Variants in CCDC102B observed in about 807,000 individuals in gnomAD.
CCDC102B encodes coiled-coil domain-containing protein 102B.
CCDC102B carries 75 observed loss-of-function variants against 57.4 expected under a neutral mutation model. That is an observed-to-expected ratio of 1.31 (90% CI 1.08 to 1.58). The LOEUF is 1.58. CCDC102B is among the 40% of genes most tolerant of loss of function. The pLI is 0.00. For synonymous variants in CCDC102B, 206 were observed against 201.9 expected, an observed-to-expected ratio of 1.02 and a Z score of -0.17; for missense variants, 636 against 582.6, an observed-to-expected ratio of 1.09 and a Z score of -0.94.
chr18:68,811,513 G>T (rs936456286), intron 1 of CCDC102B, among the ~76,000 whole-genome samples: 1 of 152,126 alleles, frequency 6.6e-6, no homozygotes. Context: ...TATTCAGAAG[G>T]CTGAGGCAGG....
intron 6 of CCDC102B, among the ~76,000 whole-genome samples, chr18:68,944,808 A>G (rs2049486127): frequency 1.3e-5 from 2 of 152,070 alleles, no homozygotes; most frequent in Admixed American, 1.3e-4. Context: ...CATCTTAACA[A>G]CCATATATGA....
intron 7 of CCDC102B, among the ~76,000 whole-genome samples, chr18:69,015,147 G>T (rs1016612817): frequency 6.6e-6 from 1 of 152,172 alleles, no homozygotes; most frequent in African/African-American, 2.4e-5. Flanking sequence ...AAGAATTTAG[G>T]AATCGTAGTA....
intron 7 of CCDC102B, among the ~76,000 whole-genome samples, chr18:69,017,411 C>T (rs1401725737): frequency 2.6e-5 from 4 of 152,080 alleles, no homozygotes; most frequent in Non-Finnish European, 5.9e-5. Context: ...CAGGCGTGAA[C>T]CATCTTGCCA....
At chr18:68,855,084 A>C (rs34561110) in intron 4 of CCDC102B, among the ~76,000 whole-genome samples, 48,568 of 152,014 alleles carry the variant, frequency 0.32, 9,191 homozygotes, top group East Asian at 0.66. Context: ...AAGACACCCC[A>C]TTAGCAAAAG....
At chr18:69,022,515 C>T (rs1401955777) in intron 7 of CCDC102B, among the ~76,000 whole-genome samples, 2 of 151,952 alleles carry the variant, frequency 1.3e-5, no homozygotes, top group African/African-American at 2.4e-5. Context: ...TTTGCAACTA[C>T]TCAGCAAAGA....
intron 4 of CCDC102B, among the ~76,000 whole-genome samples, chr18:68,855,413 G>A (rs1012841540): frequency 9.2e-5 from 14 of 152,128 alleles, no homozygotes; most frequent in Admixed American, 6.6e-5. Flanking sequence ...CATAAATGCT[G>A]TAATCCTTCT....
intron 6 of CCDC102B, among the ~76,000 whole-genome samples, chr18:68,911,847 C>G (rs2040886677): frequency 6.6e-6 from 1 of 150,434 alleles, no homozygotes; most frequent in Admixed American, 6.6e-5. Flanking sequence ...CAGCAAACCC[C>G]CATGATATGA....
At chr18:68,768,883 G>A (rs2034548480) in intron 2 of CCDC102B, among the ~76,000 whole-genome samples, 1 of 152,058 alleles carries the variant, frequency 6.6e-6, no homozygotes, top group Non-Finnish European at 1.5e-5. Flanking sequence ...ATTATAACAA[G>A]TAATGGAAGT....
chr18:68,847,871 TTATAAA>T (rs1405492927), intron 4 of CCDC102B, among the ~76,000 whole-genome samples: 2 of 151,912 alleles, frequency 1.3e-5, no homozygotes, highest in East Asian at 3.9e-4. Context: ...CATTGAAAAT[TTATAAA>T]TATAAAGATG....
intron 7 of CCDC102B, among the ~76,000 whole-genome samples, chr18:69,020,638 C>T (rs1216391618): frequency 6.6e-6 from 1 of 151,990 alleles, no homozygotes; most frequent in African/African-American, 2.4e-5. Context: ...TGGCAAAAAC[C>T]ACAATTATTT....
intron 3 of CCDC102B, among the ~76,000 whole-genome samples, chr18:68,841,702 C>T (rs1404243435): frequency 1.3e-5 from 2 of 151,954 alleles, no homozygotes; most frequent in Non-Finnish European, 2.9e-5. Flanking sequence ...GAGCTTCAGT[C>T]CTCCCTTTCC....
intron 7 of CCDC102B, among the ~76,000 whole-genome samples, chr18:69,049,182 C>T (rs370734507): frequency 2.6e-5 from 4 of 151,876 alleles, no homozygotes; most frequent in South Asian, 2.1e-4. Flanking sequence ...TAATGGTATC[C>T]GTCCCGTAGT....
At chr18:68,874,495 A>G (rs908211185) in intron 4 of CCDC102B, among the ~76,000 whole-genome samples, 174 bp from the exon 5 acceptor site, 5 of 151,902 alleles carry the variant, frequency 3.3e-5, no homozygotes, top group Admixed American at 2.6e-4. Flanking sequence ...TTGAACTACA[A>G]GTATAACAAT....
At position 68,956,484 on chromosome 18, in the gene CCDC102B, AAT is replaced by A. The variant is rs1236353893; in HGVS notation, c.1264-54440_1264-54439del. ...TTTTATATATATATTATATATATATAATATATATATAAAATATATAATATATA... is the reference window on the plus strand; with the variant it reads ...TTTTATATATATATTATATATATATAATATATATAAAATATATAATATATA... On this transcript the variant is annotated intron_variant, in intron 6 of 7. Transcript: ENST00000360242. 8.1e-4 allele frequency among the ~76,000 whole-genome samples: 38 copies of A among 47,046 alleles called. 3 individuals are homozygous for A. Among genetic ancestry groups the A allele is most frequent in the African/African-American group, 2.3e-3 (10 of 4,282 alleles). 30.9% of individuals were successfully genotyped at this position (47,046 alleles called of 152,430 possible).
chr18:69,045,561 A>C (rs910374696), intron 7 of CCDC102B, among the ~76,000 whole-genome samples: 5 of 152,036 alleles, frequency 3.3e-5, no homozygotes, highest in African/African-American at 1.2e-4. Flanking sequence ...TTCAAACTCC[A>C]ATGTCTTTAA....
intron 2 of CCDC102B, among the ~76,000 whole-genome samples, chr18:68,725,748 G>T (rs1205916833): frequency 6.6e-6 from 1 of 152,136 alleles, no homozygotes; most frequent in Non-Finnish European, 1.5e-5. Flanking sequence ...AAGTCACCTG[G>T]TTAATTTTAT....
At chr18:68,762,787 T>C (rs2034296012) in intron 2 of CCDC102B, among the ~76,000 whole-genome samples, 1 of 152,172 alleles carries the variant, frequency 6.6e-6, no homozygotes, top group South Asian at 2.1e-4. Flanking sequence ...CAGTGCATGA[T>C]AAATCTTTAG....
At chr18:68,730,761 A>C (rs2032823050) in intron 2 of CCDC102B, among the ~76,000 whole-genome samples, 1 of 152,214 alleles carries the variant, frequency 6.6e-6, no homozygotes, top group African/African-American at 2.4e-5. Context: ...TGTCACACTT[A>C]AGAAGTCAAT....
intron 6 of CCDC102B, among the ~76,000 whole-genome samples, chr18:68,994,465 T>A (rs1015312952): frequency 6.6e-6 from 1 of 151,986 alleles, no homozygotes; most frequent in Non-Finnish European, 1.5e-5. Context: ...TCACCTTGAA[T>A]TGTAATCCTC....
Sources: allele counts gnomAD v4.1 joint callset (sites outside exome capture counted in the v4.1 genomes callset), GRCh38; gene constraint gnomAD v4.1.1; transcripts MANE v1.5; gene names NCBI Gene and HGNC (gene_info 2026-07-23, HGNC 2026-07-21).